The following FRMD5 variants were observed in gnomAD, a reference collection of about 807,000 sequenced individuals.
FRMD5 encodes the protein FERM domain containing 5.
A neutral mutation model predicts 69.0 loss-of-function variants in FRMD5; 20 were observed. The ratio of observed to expected loss-of-function variants is 0.29; its 90% confidence interval spans 0.20 to 0.42. FRMD5 has a LOEUF of 0.42. Ranked by LOEUF, FRMD5 falls within the 10% of genes least tolerant of loss-of-function variation. The probability of loss-of-function intolerance (pLI) is 1.00; values close to 1 mark genes in which losing one functional copy is unlikely to be tolerated. For missense variants in FRMD5, 595 were observed against 708.6 expected, an observed-to-expected ratio of 0.84 and a Z score of 1.82; for synonymous variants, 271 against 260.1, an observed-to-expected ratio of 1.04 and a Z score of -0.40.
intron 1 of FRMD5, among the ~76,000 whole-genome samples, chr15:44,048,831 C>T (rs1357898595): frequency 6.6e-6 from 1 of 152,122 alleles, no homozygotes; most frequent in Non-Finnish European, 1.5e-5. Flanking sequence ...CTCAGCCTCC[C>T]AAAGTGCTGG....
chr15:44,121,240 T>A (rs1284812888), intron 1 of FRMD5, among the ~76,000 whole-genome samples: 1 of 113,190 alleles, frequency 8.8e-6, no homozygotes, highest in African/African-American at 3.3e-5. Context: ...TGATGAAGTA[T>A]CACTAAGGAC....
chr15:44,022,259 T>C (rs1195345009), intron 1 of FRMD5, among the ~76,000 whole-genome samples: 1 of 152,006 alleles, frequency 6.6e-6, no homozygotes, highest in African/African-American at 2.4e-5. Context: ...ATGTATATTT[T>C]AATATAATAC....
intron 1 of FRMD5, among the ~76,000 whole-genome samples, chr15:44,160,478 T>G (rs913115970): frequency 6.6e-6 from 1 of 152,222 alleles, no homozygotes; most frequent in Non-Finnish European, 1.5e-5. Context: ...CTTGTATGAT[T>G]CCAGATTACT....
intron 1 of FRMD5, among the ~76,000 whole-genome samples, chr15:44,094,409 C>T (rs776058224): frequency 6.6e-6 from 1 of 152,126 alleles, no homozygotes; most frequent in African/African-American, 2.4e-5. Flanking sequence ...TAATAAACCC[C>T]TCTTTCTGCT....
intron 1 of FRMD5, among the ~76,000 whole-genome samples, chr15:44,006,565 A>G (rs1238947967): frequency 6.6e-6 from 1 of 152,262 alleles, no homozygotes; most frequent in Non-Finnish European, 1.5e-5. Context: ...ACTGAATGCC[A>G]TCATTCTAGA....
At chr15:44,034,949 C>A (rs1255357338) in intron 1 of FRMD5, among the ~76,000 whole-genome samples, 1 of 152,142 alleles carries the variant, frequency 6.6e-6, no homozygotes, top group Non-Finnish European at 1.5e-5. Flanking sequence ...TACCTCAGTC[C>A]CTAAAGCTGG....
At chr15:44,091,032 T>C (rs2076465228) in intron 1 of FRMD5, among the ~76,000 whole-genome samples, 1 of 152,168 alleles carries the variant, frequency 6.6e-6, no homozygotes, top group Non-Finnish European at 1.5e-5. Flanking sequence ...ACACTATAAA[T>C]CACAGAACCT....
intron 1 of FRMD5, among the ~76,000 whole-genome samples, chr15:44,035,897 T>C (rs1891886527): frequency 6.6e-6 from 1 of 152,198 alleles, no homozygotes; most frequent in Non-Finnish European, 1.5e-5. Flanking sequence ...GAGGTTTTTA[T>C]TTTGTCCTGA....
At chr15:43,962,928 T>C (rs2090228216) in intron 1 of FRMD5, among the ~76,000 whole-genome samples, 1 of 152,176 alleles carries the variant, frequency 6.6e-6, no homozygotes, top group Admixed American at 6.5e-5. Flanking sequence ...AAGACTTACA[T>C]GTTAGACCTA....
intron 1 of FRMD5, among the ~76,000 whole-genome samples, chr15:44,080,329 G>A (rs180995451): frequency 2.8e-4 from 42 of 152,040 alleles, no homozygotes; most frequent in Admixed American, 2.2e-3. Context: ...GATTATGTAC[G>A]TATATATAAC....
chr15:43,933,380 C>A (rs528126048), intron 1 of FRMD5, among the ~76,000 whole-genome samples: 1 of 152,188 alleles, frequency 6.6e-6, no homozygotes, highest in Non-Finnish European at 1.5e-5. Flanking sequence ...TCAGAATCAC[C>A]TGGAGGGCTT....
At chr15:44,166,114 G>A (rs2077704564) in intron 1 of FRMD5, among the ~76,000 whole-genome samples, 1 of 151,952 alleles carries the variant, frequency 6.6e-6, no homozygotes, top group South Asian at 2.1e-4. Flanking sequence ...TTTAGTTCCT[G>A]CTAATTTACA....
At chr15:44,157,639 G>A (rs145998829) in intron 1 of FRMD5, among the ~76,000 whole-genome samples, 36 of 152,220 alleles carry the variant, frequency 2.4e-4, no homozygotes, top group African/African-American at 7.5e-4. Context: ...ATCATAAACT[G>A]TAAATAAAAA....
chr15:43,875,363 AATATATATAT>A (rs749584177), intron 13 of FRMD5, among the ~76,000 whole-genome samples: 2 of 105,348 alleles, frequency 1.9e-5, no homozygotes, highest in Non-Finnish European at 3.5e-5. Context: ...AAAAAAAAAA[AATATATATAT>A]ATATATATAT....
chr15:44,156,409 GCTGGGATTACA>G (rs1172267664), intron 1 of FRMD5, among the ~76,000 whole-genome samples: 2 of 152,236 alleles, frequency 1.3e-5, no homozygotes, highest in Non-Finnish European at 2.9e-5. Flanking sequence ...CTCCCAAAGT[GCTGGGATTACA>G]GGCGTGGGCC....
Position 44,132,087 on chromosome 15 carries a change from T to C in FRMD5, c.102+62866A>G, listed in dbSNP as rs931868191. 9.9e-5 allele frequency among the ~76,000 whole-genome samples: 15 copies of C among 152,204 alleles called. 1 individual carries two copies. Among genetic ancestry groups the C allele is most frequent in the Admixed American group, 8.5e-4 (13 of 15,284 alleles). ...CAGTGACACATCATCAGGCATTACA[T>C]TCTCATAAGGAGTGCGCAGCCTAGA... On this transcript the variant is annotated intron_variant, in intron 1 of 13. Coordinates refer to ENST00000417257, the MANE Select transcript of FRMD5 (RefSeq NM_032892.5).
intron 1 of FRMD5, among the ~76,000 whole-genome samples, chr15:44,164,382 A>AT (rs556173304): frequency 8.6e-4 from 128 of 149,150 alleles, no homozygotes; most frequent in African/African-American, 2.4e-3. Flanking sequence ...ATTATTGGTC[A>AT]TTTTTTTTTT....
chr15:44,024,725 T>C (rs2140263122), intron 1 of FRMD5, among the ~76,000 whole-genome samples: 1 of 152,354 alleles, frequency 6.6e-6, no homozygotes, highest in Non-Finnish European at 1.5e-5. Context: ...TACGAATATC[T>C]TCTCAAAGTC....
intron 1 of FRMD5, among the ~76,000 whole-genome samples, chr15:44,161,296 G>C (rs572383155): frequency 6.6e-6 from 1 of 152,252 alleles, no homozygotes; most frequent in African/African-American, 2.4e-5. Context: ...TGCTCATCTT[G>C]AGTCAAGTGG....
Sources: gnomAD v4.1 joint callset for allele counts (sites outside exome capture counted in the v4.1 genomes callset) on GRCh38, gnomAD v4.1.1 for gene constraint, MANE v1.5 for transcripts, NCBI Gene and HGNC (gene_info 2026-07-23, HGNC 2026-07-21) for gene names.